Variants in PPM1H observed in about 807,000 individuals in gnomAD.
PPM1H encodes protein phosphatase, Mg2+/Mn2+ dependent 1H.
PPM1H carries 27 observed loss-of-function variants against 54.9 expected under a neutral mutation model. That is an observed-to-expected ratio of 0.49 (90% CI 0.36 to 0.68). The LOEUF (loss-of-function observed/expected upper bound fraction) is 0.68. Ranked by LOEUF, PPM1H falls within the 30% of genes least tolerant of loss-of-function variation. The pLI is 0.00. For missense variants in PPM1H, 596 were observed against 667.8 expected (o/e 0.89, Z 1.19); for synonymous variants, 305 against 270.8 (o/e 1.13, Z -1.24).
intron 1 of PPM1H, among the ~76,000 whole-genome samples, chr12:62,921,643 A>G (rs1301563044): frequency 6.6e-6 from 1 of 152,208 alleles, no homozygotes; most frequent in Non-Finnish European, 1.5e-5. Flanking sequence ...CTCTGAAGCA[A>G]GTGTGGTGGT....
chr12:62,920,974 G>T (rs1219286591), intron 1 of PPM1H, among the ~76,000 whole-genome samples: 3 of 151,914 alleles, frequency 2.0e-5, no homozygotes, highest in African/African-American at 7.3e-5. Context: ...GCCCAGGCTG[G>T]AGTGGAGTAG....
At chr12:62,881,648 T>C (rs1870398954) in intron 1 of PPM1H, among the ~76,000 whole-genome samples, 1 of 152,182 alleles carries the variant, frequency 6.6e-6, no homozygotes, top group Non-Finnish European at 1.5e-5. Context: ...TTGTAGCTAC[T>C]TGTTCTGTTT....
intron 3 of PPM1H, among the ~76,000 whole-genome samples, chr12:62,794,500 C>T (rs180720940): frequency 5.9e-5 from 9 of 152,188 alleles, no homozygotes; most frequent in African/African-American, 2.2e-4. Context: ...TAAAATATTG[C>T]CATTTTCTTC....
At position 62,925,380 on chromosome 12, in the gene PPM1H, A is replaced by G. The variant is rs563083235; in HGVS notation, c.245+9112T>C. ...CATTACTTGAGGCCAGGAGTTCAAG[A>G]CCAGCCTGGGCAACATGAGGAAACT... is the stretch of plus-strand genomic sequence containing the variant. On this transcript the variant is annotated intron_variant, in intron 1 of 9. Coordinates refer to ENST00000228705, the MANE Select transcript of PPM1H (RefSeq NM_020700.2). Among the ~76,000 whole-genome samples, 7 of 152,218 alleles carry G rather than the reference A, an allele frequency of 4.6e-5. 1 individual carries two copies. The South Asian group carries it at 1.5e-3, about 32-fold the overall frequency.
intron 1 of PPM1H, among the ~76,000 whole-genome samples, chr12:62,861,817 G>T (rs1407934016): frequency 2.0e-5 from 3 of 152,208 alleles, no homozygotes; most frequent in African/African-American, 7.2e-5. Flanking sequence ...CCCTTCTAAA[G>T]GGGCAGCTTG....
intron 2 of PPM1H, among the ~76,000 whole-genome samples, chr12:62,831,262 T>C (rs1868353050): frequency 6.6e-6 from 1 of 152,178 alleles, no homozygotes; most frequent in Non-Finnish European, 1.5e-5. Context: ...AATAGTCACA[T>C]TTGGGTCAGT....
At chr12:62,823,361 A>G (rs943867828) in intron 2 of PPM1H, among the ~76,000 whole-genome samples, 1 of 152,226 alleles carries the variant, frequency 6.6e-6, no homozygotes, top group African/African-American at 2.4e-5. Flanking sequence ...TCCAATCAAT[A>G]GAAAAAGAGG....
chr12:62,758,399 G>A (rs991423665), intron 4 of PPM1H, among the ~76,000 whole-genome samples: 2 of 152,246 alleles, frequency 1.3e-5, no homozygotes, highest in Non-Finnish European at 2.9e-5. Context: ...CCCTGCCTGT[G>A]TGGGGTTTCC....
intron 9 of PPM1H, among the ~76,000 whole-genome samples, chr12:62,650,766 C>T (rs1360069390): frequency 6.6e-6 from 1 of 152,114 alleles, no homozygotes; most frequent in African/African-American, 2.4e-5. Context: ...ACCATCAGAT[C>T]TCGTAAGAAC....
In PPM1H at chr12:62,693,955, A is replaced by G. The variant is rs2076098429; in HGVS notation, c.1118T>C (p.Ile373Thr). 4 of 1,612,974 alleles carry G rather than the reference A, an allele frequency of 2.5e-6. No homozygotes were observed. The highest frequency in any genetic ancestry group is 3.4e-6 in the Non-Finnish European group (4 of 1,179,542). The change falls in exon 7 of 10, where the codon ATA becomes ACA. Residue 373 changes from isoleucine to threonine, a missense_variant. Physicochemically the swap from Ile to Thr is moderately conservative, Grantham distance 89 (BLOSUM62 -1). Around this residue, in one of 3 missense-constraint regions of PPM1H, gnomAD observed 208 missense variants for 259.5 expected, o/e 0.80. Coordinates refer to ENST00000228705, the MANE Select transcript of PPM1H (RefSeq NM_020700.2). ...GCCTACCTTCTTGCCTTCTCCATAT[A>G]TAAGGGGGAACTTCAAGTCCTCATC... is the stretch of plus-strand genomic sequence containing the variant. ...IEDEDLKFPL[I>T]YGEGKKARVM...
chr12:62,661,690 C>A (rs1449308569), intron 9 of PPM1H, among the ~76,000 whole-genome samples: 1 of 151,700 alleles, frequency 6.6e-6, no homozygotes, highest in Non-Finnish European at 1.5e-5. Context: ...GGCCACTGCA[C>A]CTAGGCCAGT....
chr12:62,919,524 A>T (rs1165944815), intron 1 of PPM1H, among the ~76,000 whole-genome samples: 3 of 152,246 alleles, frequency 2.0e-5, no homozygotes. Flanking sequence ...CTGAAATGTT[A>T]TCAGTTCAAT....
chr12:62,663,325 A>G (rs2075896435), intron 9 of PPM1H, among the ~76,000 whole-genome samples: 2 of 137,992 alleles, frequency 1.4e-5, no homozygotes, highest in Non-Finnish European at 3.3e-5. Context: ...AAAATCTGCA[A>G]TTCTCTTTTA....
intron 1 of PPM1H, among the ~76,000 whole-genome samples, chr12:62,904,776 T>C (rs1413329418): frequency 6.6e-6 from 1 of 152,222 alleles, no homozygotes; most frequent in Non-Finnish European, 1.5e-5. Flanking sequence ...GTCTGCAATG[T>C]CTTCTTTTCC....
intron 2 of PPM1H, among the ~76,000 whole-genome samples, chr12:62,809,643 C>T (rs971690147): frequency 2.0e-5 from 3 of 152,202 alleles, no homozygotes; most frequent in African/African-American, 7.2e-5. Flanking sequence ...GCATCTGAAA[C>T]CTGCGATTTC....
intron 4 of PPM1H, among the ~76,000 whole-genome samples, chr12:62,775,859 G>A (rs1354249037): frequency 6.6e-6 from 1 of 152,200 alleles, no homozygotes; most frequent in African/African-American, 2.4e-5. Flanking sequence ...GTATTAGTCT[G>A]TTCTCATGCT....
At chr12:62,662,837 C>T (rs148695722) in intron 9 of PPM1H, among the ~76,000 whole-genome samples, 14 of 152,280 alleles carry the variant, frequency 9.2e-5, no homozygotes, top group African/African-American at 3.1e-4. Flanking sequence ...AGCATATATT[C>T]CCCTTGGTAT....
intron 2 of PPM1H, among the ~76,000 whole-genome samples, chr12:62,809,089 T>A (rs1463078846): frequency 6.6e-6 from 1 of 152,204 alleles, no homozygotes; most frequent in African/African-American, 2.4e-5. Flanking sequence ...ACAGAGTCTG[T>A]CACCTAGTCT....
chr12:62,855,848 G>A (rs186857828), intron 1 of PPM1H, among the ~76,000 whole-genome samples: 3 of 152,162 alleles, frequency 2.0e-5, no homozygotes, highest in Non-Finnish European at 2.9e-5. Context: ...AAATATTCTT[G>A]AGCTGTGTTC....
Sources: allele counts gnomAD v4.1 joint callset (sites outside exome capture counted in the v4.1 genomes callset), GRCh38; gene constraint gnomAD v4.1.1; regional missense constraint gnomAD v4.1.1; transcripts MANE v1.5; gene names NCBI Gene and HGNC (gene_info 2026-07-23, HGNC 2026-07-21).